The following MYBPC1 variants were observed in gnomAD, a reference collection of about 807,000 sequenced individuals.
The protein encoded by MYBPC1 is myosin binding protein C1, also known as myosin-binding protein C, slow-type.
MYBPC1 carries 52 observed loss-of-function variants against 147.1 expected under a neutral mutation model. That is an observed-to-expected ratio of 0.35 (90% CI 0.28 to 0.45). The LOEUF is 0.45. Among genes scored for constraint, MYBPC1 ranks in the 20% least tolerant of loss-of-function variants. The pLI is 1.00. For synonymous variants in MYBPC1, 477 were observed against 475.9 expected (o/e 1.00, Z -0.03); for missense variants, 1,228 against 1,440.3 (o/e 0.85, Z 2.39).
intron 10 of MYBPC1, among the ~76,000 whole-genome samples, chr12:101,639,948 G>A (rs762576731): frequency 2.6e-5 from 4 of 151,954 alleles, no homozygotes; most frequent in Non-Finnish European, 4.4e-5. Flanking sequence ...CAAAAATAGA[G>A]CACTAATAAT....
intron 1 of MYBPC1, among the ~76,000 whole-genome samples, chr12:101,606,065 G>A (rs1161535062): frequency 1.3e-5 from 2 of 151,220 alleles, no homozygotes; most frequent in Admixed American, 1.3e-4. Context: ...CATGGTACAT[G>A]CCTGTAGACC....
intron 1 of MYBPC1, among the ~76,000 whole-genome samples, chr12:101,604,273 A>G (rs902398334): frequency 6.6e-6 from 1 of 152,170 alleles, no homozygotes; most frequent in Admixed American, 6.5e-5. Flanking sequence ...GCATAATTAG[A>G]AGGACAAAAG....
intron 5 of MYBPC1, chr12:101,628,934 G>A (rs1446336064): frequency 9.5e-6 from 2 of 209,920 alleles, no homozygotes; most frequent in Non-Finnish European, 1.9e-5. Context: ...TCTTACAAAA[G>A]CAAGGAATCT....
At chr12:101,677,011 A>T (rs563299617) in intron 26 of MYBPC1, among the ~76,000 whole-genome samples, 2 of 152,366 alleles carry the variant, frequency 1.3e-5, no homozygotes, top group East Asian at 3.9e-4. Context: ...GTAAATGAAG[A>T]TTAAATTACA....
At chr12:101,666,577 T>A (rs1011659759) in intron 22 of MYBPC1, 1 of 670,752 alleles carries the variant, frequency 1.5e-6, no homozygotes, top group African/African-American at 1.8e-5. Context: ...TGTGCTCTCC[T>A]GAGGAACCCC....
rs755879290 is a variant in MYBPC1, at chr12:101,677,407, TG to T, written c.3109+15del. ...ATCGCCAGGGATGGTGAGTTGGGAA[TG>T]GACTGACATTTGAAAACCTTGGTTG... is the stretch of plus-strand genomic sequence containing the variant. On this transcript the variant is annotated intron_variant, in intron 27 of 31. Transcript: ENST00000361466. 1 of 1,613,736 alleles carries T rather than the reference TG, an allele frequency of 6.2e-7. No individual in the cohort carries two copies. Among genetic ancestry groups the T allele is most frequent in the Admixed American group, 1.7e-5 (1 of 59,984 alleles).
chr12:101,607,572 A>C (rs1027229412), intron 1 of MYBPC1, among the ~76,000 whole-genome samples: 2 of 152,178 alleles, frequency 1.3e-5, no homozygotes, highest in African/African-American at 4.8e-5. Flanking sequence ...AAGCCACAAA[A>C]ACAGAACTAG....
chr12:101,612,799 A>G (rs1884756847), intron 1 of MYBPC1, among the ~76,000 whole-genome samples: 2 of 152,232 alleles, frequency 1.3e-5, no homozygotes, highest in African/African-American at 2.4e-5. Context: ...AGCCAAGAGG[A>G]CAATATTAGA....
At chr12:101,680,251 A>G (rs1950848228) in intron 28 of MYBPC1, 92 bp from the exon 29 acceptor site, 4 of 1,240,264 alleles carry the variant, frequency 3.2e-6, no homozygotes, top group East Asian at 2.5e-5. Flanking sequence ...TTTTTAAGCC[A>G]TGCTTTAAAA....
At chr12:101,673,379 TGA>T in intron 24 of MYBPC1, 46 bp from the exon 25 acceptor site, 1 of 1,585,670 alleles carries the variant, frequency 6.3e-7, no homozygotes, top group Non-Finnish European at 8.6e-7. Flanking sequence ...AGAAACATCT[TGA>T]GACAATATGA....
chr12:101,611,200 C>G (rs1406135798), intron 1 of MYBPC1, among the ~76,000 whole-genome samples: 3 of 152,184 alleles, frequency 2.0e-5, no homozygotes, highest in Admixed American at 1.3e-4. Flanking sequence ...CCTAGCAGTC[C>G]TAATATCCTA....
At chr12:101,612,504 T>C (rs1374241599) in intron 1 of MYBPC1, among the ~76,000 whole-genome samples, 2 of 152,188 alleles carry the variant, frequency 1.3e-5, no homozygotes, top group Non-Finnish European at 2.9e-5. Context: ...GAAGTGCCCA[T>C]GAACAACGGC....
chr12:101,633,223 C>T (rs1242963122), intron 8 of MYBPC1, among the ~76,000 whole-genome samples: 1 of 152,040 alleles, frequency 6.6e-6, no homozygotes, highest in Admixed American at 6.6e-5. Flanking sequence ...AAAACCACAC[C>T]CTATCCAGCT....
chr12:101,631,318 A>G (rs530374490), intron 6 of MYBPC1, among the ~76,000 whole-genome samples: 2 of 152,330 alleles, frequency 1.3e-5, no homozygotes, highest in African/African-American at 2.4e-5. Flanking sequence ...AAAATTATCC[A>G]TATATAAAAA....
chr12:101,676,876 C>G (rs1312532108), intron 26 of MYBPC1, among the ~76,000 whole-genome samples: 2 of 152,026 alleles, frequency 1.3e-5, no homozygotes. Flanking sequence ...ATACTTTATT[C>G]TACAAAAGAT....
chr12:101,615,569 C>T (rs1045171506), intron 2 of MYBPC1, among the ~76,000 whole-genome samples: 2 of 151,358 alleles, frequency 1.3e-5, no homozygotes, highest in African/African-American at 4.9e-5. Context: ...AGTTTGTTTG[C>T]AGCCAAGTAG....
At chr12:101,675,267 G>A (rs374315496) in intron 25 of MYBPC1, 25 bp from the exon 26 acceptor site, 93 of 1,613,776 alleles carry the variant, frequency 5.8e-5, no homozygotes, top group Middle Eastern at 5.0e-4. Flanking sequence ...TGACCTTGCA[G>A]TGACACCATG....
At position 101,634,439 on chromosome 12, in the gene MYBPC1, TC is replaced by T. The variant is rs113838404; in HGVS notation, c.557-109del. ...AGCACAGCCATTCAGGAGAAAAGCC[TC>T]CCCCCTTCACCTGACATTCTTCCAT... On this transcript the variant is annotated intron_variant, in intron 8 of 31. Coordinates refer to ENST00000361466, the MANE Select transcript of MYBPC1 (RefSeq NM_002465.4). The T allele has an allele frequency of 1.6e-3, 1,337 of 844,634 alleles. 9 individuals carry two copies. In the African/African-American group the frequency reaches 0.018, roughly 11 times the overall value. 52.3% of individuals were successfully genotyped at this position (844,634 alleles called of 1,614,324 possible). A position where few individuals can be genotyped will look rare whatever the true frequency, so the allele number is the denominator to read the frequency against.
chr12:101,649,362 T>C lies in MYBPC1; in HGVS notation c.1299T>C (p.Ala433=). ...HILIIEGATK[A]DAAEYSVMTT... is the part of the protein sequence containing the mutation. ...TGATCATAGAGGGAGCAACAAAGGC[T>C]GATGCTGCAGAATATTCAGTAATGA... Residue 433 remains alanine, a synonymous_variant, in exon 15 of 32, where the codon GCT becomes GCC. Transcript: ENST00000361466. The C allele has an allele frequency of 6.2e-7, 1 of 1,613,968 alleles. No individual in the cohort carries two copies. The highest frequency in any genetic ancestry group is 8.5e-7 in the Non-Finnish European group (1 of 1,179,894).
Sources: gnomAD v4.1 joint callset for allele counts (sites outside exome capture counted in the v4.1 genomes callset) on GRCh38, gnomAD v4.1.1 for gene constraint, MANE v1.5 for transcripts, NCBI Gene and HGNC (gene_info 2026-07-23, HGNC 2026-07-21) for gene names.